The following LMO1 variants were observed in gnomAD, a reference collection of about 807,000 sequenced individuals.
The protein encoded by LMO1 is LIM domain only 1.
In LMO1, 10 loss-of-function variants were observed where a neutral mutation model predicts 18.0. That is an observed-to-expected ratio of 0.55 (90% CI 0.34 to 0.94). LMO1 has a LOEUF of 0.94. LMO1 is among the 40% of genes least tolerant of loss of function. The pLI is 0.02. For synonymous variants in LMO1, 77 were observed against 77.9 expected (o/e 0.99, Z 0.06); for missense variants, 183 against 205.7 (o/e 0.89, Z 0.68).
rs936766431 is a variant in LMO1, at chr11:8,224,700, G to A, written c.387C>T (p.Phe129=). 6.2e-7 allele frequency: 1 copy of A among 1,605,810 alleles called. No individual in the cohort carries two copies. The highest frequency in any genetic ancestry group is 1.3e-5 in the African/African-American group (1 of 74,756). ...CNQRFCVGDK[F]FLKNNMILCQ... ...ACAAGATCATGTTGTTCTTCAGGAA[G>A]AATTTGTCTCCCACACAAAATCTAG... The change falls in exon 4 of 4, where the codon TTC becomes TTT. Residue 129 remains phenylalanine, a synonymous_variant. Transcript: ENST00000335790.
At chr11:8,226,587 C>T (rs1952546367) in intron 3 of LMO1, among the ~76,000 whole-genome samples, 1 of 152,228 alleles carries the variant, frequency 6.6e-6, no homozygotes. Context: ...CATACACATA[C>T]ACCCCCAGAC....
intron 1 of LMO1, among the ~76,000 whole-genome samples, chr11:8,240,821 G>A (rs936331388): frequency 6.6e-6 from 1 of 152,152 alleles, no homozygotes; most frequent in African/African-American, 2.4e-5. Flanking sequence ...ATCATAGAGA[G>A]CTTGCAGGAA....
chr11:8,262,793 C>T (rs952537829), intron 1 of LMO1, among the ~76,000 whole-genome samples: 18 of 152,218 alleles, frequency 1.2e-4, no homozygotes, highest in African/African-American at 4.1e-4. Flanking sequence ...CCGGAGGGTC[C>T]AACCCGCCTT....
At position 8,224,691 on chromosome 11, in the gene LMO1, C is replaced by T. The variant is rs749854082; in HGVS notation, c.396G>A (p.Lys132=). The T allele has an allele frequency of 4.4e-6, 7 of 1,608,294 alleles. 1 individual carries two copies. The South Asian group carries it at 7.8e-5, about 18-fold the overall frequency. The change falls in exon 4 of 4, where the codon AAG becomes AAA. Residue 132 remains lysine (K), a synonymous_variant. Coordinates refer to ENST00000335790, the MANE Select transcript of LMO1 (RefSeq NM_002315.3). ...RFCVGDKFFL[K]NNMILCQMDY... is the part of the protein sequence containing the mutation. ...CCATCTGACACAAGATCATGTTGTTCTTCAGGAAGAATTTGTCTCCCACAC... is the reference window on the plus strand; with the variant it reads ...CCATCTGACACAAGATCATGTTGTTTTTCAGGAAGAATTTGTCTCCCACAC...
chr11:8,257,417 T>G (rs1847115334), intron 1 of LMO1, among the ~76,000 whole-genome samples: 1 of 152,190 alleles, frequency 6.6e-6, no homozygotes, highest in South Asian at 2.1e-4. Context: ...CCTTTCACCT[T>G]ACATCTGAGG....
chr11:8,225,768 A>G (rs1490964178), intron 3 of LMO1, among the ~76,000 whole-genome samples: 1 of 152,188 alleles, frequency 6.6e-6, no homozygotes, highest in Non-Finnish European at 1.5e-5. Flanking sequence ...GTGGCGCTGT[A>G]AGTTCACTGA....
At chr11:8,233,311 C>G (rs148171981) in intron 1 of LMO1, among the ~76,000 whole-genome samples, 45 of 152,266 alleles carry the variant, frequency 3.0e-4, no homozygotes, top group African/African-American at 9.6e-4. Flanking sequence ...GAAGCCTGAG[C>G]CAGGGCAGCC....
chr11:8,235,130 A>G (rs1952739955), intron 1 of LMO1, among the ~76,000 whole-genome samples: 1 of 128,486 alleles, frequency 7.8e-6, no homozygotes, highest in Non-Finnish European at 1.7e-5. Flanking sequence ...AGGAACTGAT[A>G]GTATTAACAG....
intron 1 of LMO1, among the ~76,000 whole-genome samples, chr11:8,249,478 A>C (rs1206212289): frequency 1.3e-5 from 2 of 152,212 alleles, no homozygotes; most frequent in African/African-American, 2.4e-5. Context: ...ACCTAAAGCC[A>C]TTCAAAGGTG....
At position 8,251,872 on chromosome 11, in the gene LMO1, A is replaced by T. The variant is rs376088756; in HGVS notation, c.25+11466T>A. Among the ~76,000 whole-genome samples, 15 of 29,610 alleles carry T rather than the reference A, an allele frequency of 5.1e-4. 1 individual carries two copies. The East Asian group carries it at 0.019, about 38-fold the overall frequency. The allele number at this position is 29,610 out of a possible 152,430, so 19.4% of individuals were successfully genotyped here. ...GTGCGTGTGTGTGTGAATGTGTGTG[A>T]GTGTGTGTGTGTATAGGTGTGTATG... On this transcript the variant is annotated intron_variant, in intron 1 of 3. Transcript: ENST00000335790.
intron 1 of LMO1, among the ~76,000 whole-genome samples, chr11:8,231,141 C>T (rs1284655838): frequency 6.6e-6 from 1 of 152,146 alleles, no homozygotes; most frequent in Non-Finnish European, 1.5e-5. Context: ...ATGCTTCAGG[C>T]GGTGTCACAC....
At chr11:8,225,239 C>T (rs1249221533) in intron 3 of LMO1, among the ~76,000 whole-genome samples, 1 of 151,412 alleles carries the variant, frequency 6.6e-6, no homozygotes, top group Non-Finnish European at 1.5e-5. Context: ...TGGTGAAACC[C>T]CATCTCTACT....
chr11:8,232,620 C>T (rs928652157), intron 1 of LMO1, among the ~76,000 whole-genome samples: 1 of 152,158 alleles, frequency 6.6e-6, no homozygotes, highest in Non-Finnish European at 1.5e-5. Flanking sequence ...TTGGGCCAGG[C>T]CCCCGCTACA....
chr11:8,262,951 T>C (rs1192394108), intron 1 of LMO1, among the ~76,000 whole-genome samples: 1 of 152,134 alleles, frequency 6.6e-6, no homozygotes, highest in African/African-American at 2.4e-5. Flanking sequence ...GCGAGGGTGA[T>C]GGCTGCGGTG....
At chr11:8,226,884 C>T (rs773819195) in intron 3 of LMO1, 91 bp downstream of exon 3, 69 of 1,480,696 alleles carry the variant, frequency 4.7e-5, no homozygotes, top group Non-Finnish European at 5.5e-5. Flanking sequence ...CCCGCATTTG[C>T]GTGCACGCCT....
intron 1 of LMO1, among the ~76,000 whole-genome samples, chr11:8,241,430 C>T (rs2134550354): frequency 6.6e-6 from 1 of 152,364 alleles, no homozygotes; most frequent in Admixed American, 6.5e-5. Flanking sequence ...TGAAACCCTT[C>T]CATAACATCC....
intron 1 of LMO1, among the ~76,000 whole-genome samples, chr11:8,241,801 CAA>C (rs935544342): frequency 6.9e-6 from 1 of 144,192 alleles, no homozygotes; most frequent in Non-Finnish European, 1.5e-5. Flanking sequence ...AAAAAAAAAA[CAA>C]AAAAAAGTCT....
At chr11:8,243,237 G>A (rs1323321534) in intron 1 of LMO1, among the ~76,000 whole-genome samples, 1 of 152,138 alleles carries the variant, frequency 6.6e-6, no homozygotes, top group Admixed American at 6.5e-5. Context: ...CTGGATAAGA[G>A]AGAGAGACGC....
chr11:8,258,928 A>G (rs982340867), intron 1 of LMO1, among the ~76,000 whole-genome samples: 6 of 152,196 alleles, frequency 3.9e-5, no homozygotes, highest in African/African-American at 1.4e-4. Context: ...AGCTTCCCCC[A>G]GTCCTAATGC....
Sources: gnomAD v4.1 joint callset for allele counts (sites outside exome capture counted in the v4.1 genomes callset) on GRCh38, gnomAD v4.1.1 for gene constraint, MANE v1.5 for transcripts, NCBI Gene and HGNC (gene_info 2026-07-23, HGNC 2026-07-21) for gene names.